The following SV2C variants were observed in gnomAD, a reference collection of about 807,000 sequenced individuals.
SV2C encodes the protein synaptic vesicle glycoprotein 2C, also known as solute carrier family 22 member B3.
Under a neutral mutation model 79.7 loss-of-function variants are expected in SV2C, and 49 were observed. The ratio of observed to expected loss-of-function variants is 0.61; its 90% CI spans 0.49 to 0.78. The LOEUF is 0.78. Ranked by LOEUF, SV2C falls within the 30% of genes least tolerant of loss-of-function variation. The pLI, the probability that SV2C is intolerant of heterozygous loss-of-function variation, is 0.00. For synonymous variants in SV2C, 334 were observed against 333.2 expected, an observed-to-expected ratio of 1.00 and a Z score of -0.03; for missense variants, 833 against 912.9, an observed-to-expected ratio of 0.91 and a Z score of 1.13.
In SV2C at chr5:76,300,828, C is replaced by T. The variant is rs1348020453; in HGVS notation, c.1736C>T (p.Ala579Val). The T allele has an allele frequency of 6.2e-7, 1 of 1,614,142 alleles. No homozygotes were observed. The highest frequency in any genetic ancestry group is 1.1e-5 in the South Asian group (1 of 91,082). Residue 579 changes from alanine to valine, a missense_variant, in exon 11 of 13, where the codon GCC (alanine) becomes GTC (valine). Coordinates refer to ENST00000502798, the MANE Select transcript of SV2C (RefSeq NM_014979.4). ...ATTACCTTTGATGATGACTATAGTG[C>T]CTACTGGATTTATTTTGTCAACTTT... ...CQITFDDDYS[A>V]YWIYFVNFLG...
At chr5:76,039,031 A>AT in the SV2C span, among the ~76,000 whole-genome samples, 5 of 152,282 alleles carry the variant, frequency 3.3e-5, no homozygotes, top group East Asian at 1.9e-4. Flanking sequence ...GATGCTGGCT[A>AT]TTTTTTCTTT....
At chr5:76,315,013 T>G (rs1748570707) in intron 12 of SV2C, among the ~76,000 whole-genome samples, 1 of 152,140 alleles carries the variant, frequency 6.6e-6, no homozygotes, top group Non-Finnish European at 1.5e-5. Flanking sequence ...GAATAAGCAG[T>G]CAAAAGCCCC....
intron 1 of SV2C, among the ~76,000 whole-genome samples, chr5:76,131,214 C>A (rs1183602781): frequency 3.3e-5 from 5 of 151,970 alleles, no homozygotes; most frequent in Non-Finnish European, 5.9e-5. Context: ...GGAAATAGGC[C>A]CAGTAGGATT....
the SV2C span, among the ~76,000 whole-genome samples, chr5:76,041,356 A>G: frequency 1.3e-5 from 2 of 152,128 alleles, no homozygotes; most frequent in South Asian, 4.1e-4. Flanking sequence ...CCTCATGCAC[A>G]TGTGTGTGAA....
At chr5:75,927,427 T>C in the SV2C span, among the ~76,000 whole-genome samples, 1 of 151,852 alleles carries the variant, frequency 6.6e-6, no homozygotes, top group Non-Finnish European at 1.5e-5. Context: ...AATCCAGTTA[T>C]ATGAAGTATC....
chr5:75,892,461 G>A, the SV2C span, among the ~76,000 whole-genome samples: 13 of 151,808 alleles, frequency 8.6e-5, no homozygotes, highest in African/African-American at 2.9e-4. Context: ...AGATTTGGGA[G>A]CACATGTACA....
chr5:76,238,027 T>TACACACACACACACACAC (rs796926428), intron 4 of SV2C, among the ~76,000 whole-genome samples: 1 of 122,810 alleles, frequency 8.1e-6, no homozygotes, highest in Non-Finnish European at 1.9e-5. Context: ...CAATCACACA[T>TACACACACACACACACAC]ACACACACAC....
At chr5:75,864,451 C>G in the SV2C span, among the ~76,000 whole-genome samples, 1 of 152,152 alleles carries the variant, frequency 6.6e-6, no homozygotes, top group African/African-American at 2.4e-5. Flanking sequence ...TTGATAGAAT[C>G]ACAGATCCCC....
the SV2C span, among the ~76,000 whole-genome samples, chr5:76,020,227 G>C: frequency 6.6e-6 from 1 of 152,150 alleles, no homozygotes; most frequent in Non-Finnish European, 1.5e-5. Context: ...AAGAGCAGGG[G>C]CTGTGAAGAA....
At chr5:75,958,410 A>G in the SV2C span, among the ~76,000 whole-genome samples, 1 of 151,968 alleles carries the variant, frequency 6.6e-6, no homozygotes, top group African/African-American at 2.4e-5. Flanking sequence ...GGGGGAACCT[A>G]TCTGTCTACA....
the SV2C span, among the ~76,000 whole-genome samples, chr5:76,077,177 T>TA: frequency 4.2e-4 from 63 of 150,876 alleles, no homozygotes; most frequent in East Asian, 3.5e-3. Flanking sequence ...TAGTTTCATT[T>TA]AAAAAAAAAC....
At chr5:76,337,089 T>A (rs1381469336), downstream of SV2C, among the ~76,000 whole-genome samples, 2 of 152,116 alleles carry the variant, frequency 1.3e-5, no homozygotes, top group Admixed American at 6.5e-5. Context: ...TCTGTATTGT[T>A]TGCTAGGGCT....
chr5:75,857,161 G>C, the SV2C span, among the ~76,000 whole-genome samples: 1 of 152,034 alleles, frequency 6.6e-6, no homozygotes, highest in Non-Finnish European at 1.5e-5. Flanking sequence ...GTTTCACCGT[G>C]TTAGCCAGGA....
At chr5:76,089,955 G>A (rs1273881552) in intron 1 of SV2C, among the ~76,000 whole-genome samples, 1 of 152,134 alleles carries the variant, frequency 6.6e-6, no homozygotes, top group African/African-American at 2.4e-5. Context: ...TACTTTAAAA[G>A]GTATCTTTTC....
At chr5:76,353,780 C>G (rs958402486) in exon 13 of SV2C, 1 of 152,134 alleles carries the variant, frequency 6.6e-6, no homozygotes, top group South Asian at 2.1e-4. Context: ...TTAACCAAGA[C>G]GCCTTTACTT....
At chr5:76,119,247 C>A (rs562309994) in intron 1 of SV2C, among the ~76,000 whole-genome samples, 2 of 152,354 alleles carry the variant, frequency 1.3e-5, no homozygotes, top group African/African-American at 4.8e-5. Context: ...ATGTCAACCT[C>A]TGGGTCAAGA....
At chr5:76,073,544 TAC>T in the SV2C span, among the ~76,000 whole-genome samples, 432 of 121,072 alleles carry the variant, frequency 3.6e-3, 3 homozygotes, top group African/African-American at 8.1e-3. Context: ...TATATATATA[TAC>T]ACCATGGAAT....
At chr5:75,944,005 A>G in the SV2C span, among the ~76,000 whole-genome samples, 2 of 152,222 alleles carry the variant, frequency 1.3e-5, no homozygotes, top group African/African-American at 2.4e-5. Context: ...AATAAGCAAG[A>G]AAACAAAGAT....
the SV2C span, among the ~76,000 whole-genome samples, chr5:76,024,904 G>A: frequency 3.3e-5 from 5 of 152,086 alleles, no homozygotes; most frequent in Non-Finnish European, 7.4e-5. Flanking sequence ...GTTGTTCAAG[G>A]GTCAACTGTA....
Sources: allele counts gnomAD v4.1 joint callset (sites outside exome capture counted in the v4.1 genomes callset), GRCh38; gene constraint gnomAD v4.1.1; transcripts MANE v1.5; gene names NCBI Gene and HGNC (gene_info 2026-07-23, HGNC 2026-07-21).